The following FMN1 variants were observed in gnomAD, a reference collection of about 807,000 sequenced individuals.
FMN1 encodes formin 1, also known as formin-1.
In FMN1, 110 loss-of-function variants were observed where a neutral mutation model predicts 132.4. That is an observed-to-expected ratio of 0.83 (90% CI 0.71 to 0.97). The LOEUF (loss-of-function observed/expected upper bound fraction) is 0.97, where lower values mean the gene tolerates loss of function less well. Among genes scored for constraint, FMN1 ranks in the 50% least tolerant of loss-of-function variants. FMN1 has a pLI of 0.00. For missense variants in FMN1, 1,792 were observed against 1,705.3 expected (o/e 1.05, Z -0.90); for synonymous variants, 722 against 651.7 (o/e 1.11, Z -1.64).
chr15:32,818,962 C>T (rs909250164), intron 17 of FMN1, among the ~76,000 whole-genome samples: 16 of 150,742 alleles, frequency 1.1e-4, no homozygotes, highest in South Asian at 2.1e-4. Context: ...AAACCAGAGG[C>T]TTGAAATGTT....
chr15:33,115,888 T>C (rs1355269098), intron 4 of FMN1, among the ~76,000 whole-genome samples: 1 of 152,178 alleles, frequency 6.6e-6, no homozygotes, highest in Non-Finnish European at 1.5e-5. Flanking sequence ...CCACCACCTT[T>C]ACTCCAACCA....
intron 4 of FMN1, chr15:33,151,053 G>A: frequency 8.2e-7 from 1 of 1,219,066 alleles, no homozygotes. Context: ...GTCACTGAAG[G>A]GTTCAGAATA....
chr15:32,994,379 C>A (rs2033643367), intron 7 of FMN1, among the ~76,000 whole-genome samples: 1 of 152,096 alleles, frequency 6.6e-6, no homozygotes, highest in South Asian at 2.1e-4. Flanking sequence ...TTTTCCTGTG[C>A]TTTGGCCACA....
chr15:32,977,671 A>C (rs2032320965), intron 7 of FMN1, among the ~76,000 whole-genome samples: 1 of 152,180 alleles, frequency 6.6e-6, no homozygotes, highest in Non-Finnish European at 1.5e-5. Context: ...CTCTCGTATC[A>C]CTTTGTTTCA....
chr15:33,019,550 G>C (rs560840638), intron 6 of FMN1, among the ~76,000 whole-genome samples: 2 of 152,188 alleles, frequency 1.3e-5, no homozygotes, highest in African/African-American at 4.8e-5. Flanking sequence ...TTGTCGGGGA[G>C]GCTCTGGCAG....
intron 6 of FMN1, among the ~76,000 whole-genome samples, chr15:33,018,192 T>G (rs2035182205): frequency 6.6e-6 from 1 of 152,180 alleles, no homozygotes; most frequent in South Asian, 2.1e-4. Context: ...GATTAGTGTG[T>G]GTGATACTGC....
chr15:32,773,999 C>G lies in FMN1; in HGVS notation c.*311G>C, dbSNP rs1286140472. 2.7e-6 allele frequency: 1 copy of G among 367,682 alleles called. No individual in the cohort carries two copies. Among genetic ancestry groups the G allele is most frequent in the East Asian group, 6.4e-5 (1 of 15,520 alleles). 22.8% of individuals were successfully genotyped at this position (367,682 alleles called of 1,614,324 possible). ...TTGGTTATAAAGCTGGAAATCTCAG[C>G]TTTTAAAAAAATTTTGGAAACATTT... is the stretch of plus-strand genomic sequence containing the variant. On this transcript the variant is annotated 3_prime_UTR_variant, in exon 21 of 21. Coordinates refer to ENST00000616417, the MANE Select transcript of FMN1 (RefSeq NM_001277313.2).
At chr15:33,035,404 G>A (rs1347557863) in intron 6 of FMN1, among the ~76,000 whole-genome samples, 1 of 152,050 alleles carries the variant, frequency 6.6e-6, no homozygotes, top group Non-Finnish European at 1.5e-5. Flanking sequence ...TCTGTCTACG[G>A]ATGCCTTAGA....
At chr15:33,012,738 T>G (rs1287658618) in intron 6 of FMN1, 2 of 746,392 alleles carry the variant, frequency 2.7e-6, no homozygotes, top group Admixed American at 3.4e-5. Flanking sequence ...GCCATGGAGG[T>G]GGTTTTGGTG....
intron 7 of FMN1, among the ~76,000 whole-genome samples, chr15:32,998,531 T>C (rs1451341759): frequency 1.3e-5 from 2 of 152,152 alleles, no homozygotes; most frequent in African/African-American, 2.4e-5. Flanking sequence ...TGTGTGATTG[T>C]ATAGAATTTA....
chr15:33,100,651 A>G (rs146966913), intron 4 of FMN1, among the ~76,000 whole-genome samples: 56 of 152,354 alleles, frequency 3.7e-4, no homozygotes, highest in African/African-American at 1.2e-3. Context: ...CCCCTGTTCT[A>G]AAATATTAAA....
At chr15:33,002,378 A>T (rs890204681) in intron 7 of FMN1, among the ~76,000 whole-genome samples, 1 of 152,240 alleles carries the variant, frequency 6.6e-6, no homozygotes, top group African/African-American at 2.4e-5. Flanking sequence ...GTCTGTGACA[A>T]AAGATGAGTC....
chr15:32,996,391 T>C (rs1343448264), intron 7 of FMN1, among the ~76,000 whole-genome samples: 4 of 152,242 alleles, frequency 2.6e-5, no homozygotes, highest in East Asian at 1.9e-4. Flanking sequence ...TATGAGTTTA[T>C]GCTTCAGCAT....
chr15:32,937,371 G>C (rs28719161), intron 9 of FMN1, among the ~76,000 whole-genome samples: 6,678 of 152,268 alleles, frequency 0.044, 204 homozygotes, highest in East Asian at 0.12. Flanking sequence ...AGTCAGATGA[G>C]TGAGTGCCAT....
At chr15:32,965,504 T>C (rs1328630961) in intron 8 of FMN1, among the ~76,000 whole-genome samples, 1 of 152,192 alleles carries the variant, frequency 6.6e-6, no homozygotes, top group Admixed American at 6.5e-5. Flanking sequence ...CATCTAAAAG[T>C]ATATAGCTTT....
intron 5 of FMN1, 145 bp downstream of exon 5, chr15:33,088,654 A>G (rs1222515762): frequency 1.4e-6 from 1 of 731,376 alleles, no homozygotes; most frequent in Non-Finnish European, 2.1e-6. Context: ...ATGCATCTTC[A>G]TTTTCTGCAG....
intron 17 of FMN1, among the ~76,000 whole-genome samples, chr15:32,807,616 A>G (rs1218940700): frequency 6.6e-6 from 1 of 152,246 alleles, no homozygotes; most frequent in African/African-American, 2.4e-5. Flanking sequence ...AGTGTGGCCA[A>G]GCCATAACTG....
chr15:33,037,694 G>A (rs345887), intron 6 of FMN1, among the ~76,000 whole-genome samples: 87,463 of 152,060 alleles, frequency 0.58, 25,462 homozygotes, highest in Admixed American at 0.64. Flanking sequence ...AATGTCAGCT[G>A]TAATCATGCA....
intron 17 of FMN1, among the ~76,000 whole-genome samples, chr15:32,844,101 G>A (rs951375365): frequency 1.3e-5 from 2 of 152,010 alleles, no homozygotes; most frequent in African/African-American, 2.4e-5. Context: ...CTCAGCTCAC[G>A]ACTTTTTCAA....
Sources: gnomAD v4.1 joint callset for allele counts (sites outside exome capture counted in the v4.1 genomes callset) on GRCh38, gnomAD v4.1.1 for gene constraint, MANE v1.5 for transcripts, NCBI Gene and HGNC (gene_info 2026-07-23, HGNC 2026-07-21) for gene names.